The following INTS1 variants were observed in gnomAD, a reference collection of about 807,000 sequenced individuals.
INTS1 encodes the protein integrator complex subunit 1.
INTS1 carries 137 observed loss-of-function variants against 241.6 expected under a neutral mutation model. That is an observed-to-expected ratio of 0.57 (90% CI 0.49 to 0.65). The LOEUF is 0.65. INTS1 is among the 30% of genes least tolerant of loss of function. The pLI, the probability that INTS1 is intolerant of heterozygous loss-of-function variation, is 0.00. For synonymous variants in INTS1, 1,692 were observed against 1,337.8 expected (o/e 1.26, Z -5.78); for missense variants, 3,073 against 3,032.2 (o/e 1.01, Z -0.32).
At chr7:1,478,306 C>CCT in intron 33 of INTS1, 60 bp downstream of exon 33, 1 of 1,581,052 alleles carries the variant, frequency 6.3e-7, no homozygotes, top group Non-Finnish European at 8.7e-7. Context: ...CTAGAAGGAG[C>CCT]CTCAGGTTTG....
Position 1,502,902 on chromosome 7 carries a change from T to C in INTS1, c.348A>G (p.Glu116=), listed in dbSNP as rs766828703. ...GGGGGATGTCCACAGACTCATTACC[T>C]TCAATTGGCACCACAGATGGCTCTT... ...SIKEPSVVPI[E]VLPTVLLDEI... Residue 116 remains glutamate (E), a splice_region_variant and synonymous_variant, in exon 3 of 48, where the codon GAA becomes GAG. Transcript: ENST00000404767. 2.5e-6 allele frequency: 4 copies of C among 1,613,766 alleles called. No individual in the cohort carries two copies. In the Admixed American group the frequency reaches 6.7e-5, roughly 27 times the overall value.
At chr7:1,474,611 T>G in intron 40 of INTS1, 94 bp downstream of exon 40, 1 of 1,435,184 alleles carries the variant, frequency 7.0e-7, no homozygotes, top group Non-Finnish European at 9.3e-7. Context: ...TTTTTGTTGT[T>G]TTTGGAGTTT....
At chr7:1,495,622 G>A in intron 12 of INTS1, 69 bp from the exon 13 acceptor site, 2 of 1,544,620 alleles carry the variant, frequency 1.3e-6, no homozygotes, top group Non-Finnish European at 1.7e-6. Context: ...CACCCCTGGG[G>A]GTCCAACTCA....
chr7:1,499,829 C>T, intron 5 of INTS1, 55 bp downstream of exon 5: 1 of 1,574,376 alleles, frequency 6.4e-7, no homozygotes, highest in Non-Finnish European at 8.6e-7. Flanking sequence ...TCTCTCGCCC[C>T]TGCCCCACCC....
rs548397923 is a variant in INTS1, at chr7:1,479,495, C to T, written c.4264G>A (p.Val1422Met). ...LLSSPHGGAL[V>M]MSMHRSHFLA... The stretch of plus-strand genomic sequence containing the variant: ...AAGTGGCTACGGTGCATGGACATCA[C>T]CAGGGCACCGCCGTGTGGGGAGCTG... Residue 1422 changes from valine (V) to methionine (M), a missense_variant, in exon 31 of 48, where the codon GTG (valine) becomes ATG (methionine). Transcript: ENST00000404767. 4 of 1,574,280 alleles carry T rather than the reference C, an allele frequency of 2.5e-6. No homozygotes were observed. The highest frequency in any genetic ancestry group is 2.3e-5 in the East Asian group (1 of 42,632).
At chr7:1,489,434 A>G (rs774287511) in intron 17 of INTS1, 30 bp from the exon 18 acceptor site, 1 of 1,061,286 alleles carries the variant, frequency 9.4e-7, no homozygotes, top group East Asian at 9.2e-5. Context: ...GGGGCTGGCC[A>G]GGCTCCCCTG....
chr7:1,477,867 G>A lies in INTS1; in HGVS notation c.4700C>T (p.Thr1567Ile). ...TGGAAACGGGGAGGCAGCATCCGCA[G>A]TGGCAGAGAAGAATGCAGTCAGCAG... ...EELLTAFFSA[T>I]ADAASPFPAC... Residue 1567 changes from threonine (T) to isoleucine (I), a missense_variant, in exon 34 of 48, where the codon ACT becomes ATT. Thr to Ile is a moderately conservative substitution (Grantham distance 89). Coordinates refer to ENST00000404767, the MANE Select transcript of INTS1 (RefSeq NM_001080453.3). 6.2e-7 allele frequency: 1 copy of A among 1,612,622 alleles called. No individual in the cohort carries two copies. Among genetic ancestry groups the A allele is most frequent in the Non-Finnish European group, 8.5e-7 (1 of 1,179,856 alleles).
chr7:1,485,450 G>A lies in INTS1; in HGVS notation c.2996C>T (p.Ser999Leu), dbSNP rs372589403. 6.4e-5 allele frequency: 103 copies of A among 1,612,296 alleles called. 1 individual carries two copies. In the Middle Eastern group the frequency reaches 1.5e-3, roughly 23 times the overall value. ...LAMKGLSLVL[S>L]EGSLRDGEEK... ...CTCCCCGTCCCGCAGGCTGCCCTCC[G>A]AAAGCACCAGCGACAAACCCTGTGG... The change falls in exon 23 of 48, where the codon TCG becomes TTG. Residue 999 changes from serine to leucine, a missense_variant. Coordinates refer to ENST00000404767, the MANE Select transcript of INTS1 (RefSeq NM_001080453.3).
rs1047501689 is a variant in INTS1, at chr7:1,478,925, A to G, written c.4330-40T>C. On this transcript the variant is annotated intron_variant, in intron 31 of 47. Coordinates refer to ENST00000404767, the MANE Select transcript of INTS1 (RefSeq NM_001080453.3). ...TGGCACGTGGCTACCCTGGCAGAGG[A>G]CACACGGGGACCCGGCACCCGAGGC... 2.6e-6 allele frequency: 4 copies of G among 1,567,106 alleles called. No individual in the cohort carries two copies. In the African/African-American group the frequency reaches 5.4e-5, roughly 21 times the overall value.
In INTS1 at chr7:1,499,099, T is replaced by C; in HGVS notation, c.1013A>G (p.Asn338Ser). 6.2e-7 allele frequency: 1 copy of C among 1,610,814 alleles called. No individual in the cohort carries two copies. The highest frequency in any genetic ancestry group is 1.1e-5 in the South Asian group (1 of 90,832). The change falls in exon 8 of 48, where the codon AAC becomes AGC. Residue 338 changes from asparagine to serine, a missense_variant. Transcript: ENST00000404767. ...GACGTTGTCGATGGGCTGGCGCCGG[T>C]TCAGCTGGTCCCGCAGCATGTCCAG... ...YVLDMLRDQLNRRQPIDNVSR... is the reference protein window; with the variant it reads ...YVLDMLRDQLSRRQPIDNVSR...
At chr7:1,476,504 A>T in intron 37 of INTS1, 49 bp from the exon 38 acceptor site, 1 of 1,600,644 alleles carries the variant, frequency 6.2e-7, no homozygotes, top group South Asian at 1.1e-5. Context: ...CCTCTCCCGG[A>T]TGGGCCACCC....
chr7:1,497,378 C>A lies in INTS1; in HGVS notation c.1426-64G>T. The A allele has an allele frequency of 1.3e-6, 2 of 1,524,478 alleles. No individual in the cohort carries two copies. The highest frequency in any genetic ancestry group is 1.8e-6 in the Non-Finnish European group (2 of 1,130,818). 94.4% of individuals were successfully genotyped at this position (1,524,478 alleles called of 1,614,324 possible). A position where few individuals can be genotyped will look rare whatever the true frequency, so the allele number is the denominator to read the frequency against. On this transcript the variant is annotated intron_variant, in intron 10 of 47. Coordinates refer to ENST00000404767, the MANE Select transcript of INTS1 (RefSeq NM_001080453.3). The surrounding 1 kb of genome is among the most constrained non-coding windows in gnomAD (Gnocchi z 5.3). ...GTGCTGTCCCTGTCACAGGCCCCTT[C>A]CCGCAGCACCAACAGGTATGGCGCC...
At chr7:1,502,872 T>C in intron 3 of INTS1, 29 bp downstream of exon 3, 1 of 1,611,568 alleles carries the variant, frequency 6.2e-7, no homozygotes, top group Non-Finnish European at 8.5e-7. Context: ...CTGAGGGGTG[T>C]TCTCGGGGGA....
At position 1,477,700 on chromosome 7, in the gene INTS1, G is replaced by C. The variant is rs201603152; in HGVS notation, c.4815-27C>G. 1.1e-3 allele frequency: 1,843 copies of C among 1,602,942 alleles called. 19 individuals carry two copies. In the African/African-American group the frequency reaches 0.021, roughly 19 times the overall value. On this transcript the variant is annotated intron_variant, in intron 34 of 47. Coordinates refer to ENST00000404767, the MANE Select transcript of INTS1 (RefSeq NM_001080453.3). ...TGCAGGGAGAAGGTGGCTCAGGGAA[G>C]GGCTGGTGCCACCCGCCTGCCCACC...
Position 1,502,941 on chromosome 7 carries a change from A to G in INTS1, c.309T>C (p.Ile103=). Residue 103 remains isoleucine (I), a synonymous_variant, in exon 3 of 48, where the codon ATT becomes ATC. Transcript: ENST00000404767. ...AEAAVAEKRA[I]SPSIKEPSVV... is the part of the protein sequence containing the mutation. ...CAGATGGCTCTTTAATCGACGGAGAAATGGCTCGTTTTTCTGCCACTGCAG... is the reference window on the plus strand; with the variant it reads ...CAGATGGCTCTTTAATCGACGGAGAGATGGCTCGTTTTTCTGCCACTGCAG... 6.2e-7 allele frequency: 1 copy of G among 1,613,734 alleles called. No individual in the cohort carries two copies. Among genetic ancestry groups the G allele is most frequent in the Non-Finnish European group, 8.5e-7 (1 of 1,179,844 alleles).
intron 29 of INTS1, among the ~76,000 whole-genome samples, 173 bp from the exon 30 acceptor site, chr7:1,480,614 T>A (rs1033098448): frequency 2.6e-5 from 4 of 152,130 alleles, no homozygotes; most frequent in African/African-American, 9.7e-5. Context: ...TCCACAGGGA[T>A]CTCAAGACTC....
intron 3 of INTS1, among the ~76,000 whole-genome samples, 168 bp from the exon 4 acceptor site, chr7:1,500,534 A>G (rs1004669960): frequency 6.6e-6 from 1 of 152,098 alleles, no homozygotes; most frequent in Admixed American, 6.6e-5. Flanking sequence ...ACCCCACCAG[A>G]TGGTCCCCTT....
At position 1,484,087 on chromosome 7, in the gene INTS1, G is replaced by A. The variant is rs755909395; in HGVS notation, c.3345C>T (p.Ala1115=). The A allele has an allele frequency of 9.4e-5, 151 of 1,612,372 alleles. No individual in the cohort carries two copies. The highest frequency in any genetic ancestry group is 1.2e-4 in the Non-Finnish European group (137 of 1,179,780). The change falls in exon 25 of 48, where the codon GCC becomes GCT. Residue 1115 remains alanine, a synonymous_variant. Coordinates refer to ENST00000404767, the MANE Select transcript of INTS1 (RefSeq NM_001080453.3). ...AGATGGACAACAGAGCGCTCAGCACGGCGTCCGACGCGGCACTCGGGGAGA... is the reference window on the plus strand; with the variant it reads ...AGATGGACAACAGAGCGCTCAGCACAGCGTCCGACGCGGCACTCGGGGAGA... ...SKLSPSAASD[A]VLSALLSIFS...
At chr7:1,501,645 G>A (rs1783188377) in intron 3 of INTS1, among the ~76,000 whole-genome samples, 3 of 152,214 alleles carry the variant, frequency 2.0e-5, no homozygotes, top group Non-Finnish European at 2.9e-5. Context: ...GCGGCCGAGA[G>A]CCCGGGCCAG....
Sources: allele counts gnomAD v4.1 joint callset (sites outside exome capture counted in the v4.1 genomes callset), GRCh38; gene constraint gnomAD v4.1.1; non-coding constraint Gnocchi (gnomAD v3.1); transcripts MANE v1.5; gene names NCBI Gene and HGNC (gene_info 2026-07-23, HGNC 2026-07-21).